DGKB: variants seen among roughly 807,000 people sequenced by gnomAD.
DGKB encodes the protein 90 kDa diacylglycerol kinase.
A neutral mutation model predicts 114.3 loss-of-function variants in DGKB; 67 were observed. The observed-to-expected ratio is 0.59, with a 90% CI of 0.48 to 0.72. The LOEUF (loss-of-function observed/expected upper bound fraction) is 0.72. DGKB is among the 30% of genes least tolerant of loss of function. DGKB has a pLI of 0.00. For missense variants in DGKB, 907 were observed against 975.2 expected, an observed-to-expected ratio of 0.93 and a Z score of 0.93; for synonymous variants, 398 against 323.1, an observed-to-expected ratio of 1.23 and a Z score of -2.49.
chr7:14,572,854 T>G (rs2128706641), intron 20 of DGKB, among the ~76,000 whole-genome samples: 1 of 152,322 alleles, frequency 6.6e-6, no homozygotes, highest in South Asian at 2.1e-4. Flanking sequence ...CATAAGTTTT[T>G]GGGGTACAGT....
intron 19 of DGKB, among the ~76,000 whole-genome samples, chr7:14,580,498 T>G (rs1799764255): frequency 6.6e-6 from 1 of 152,206 alleles, no homozygotes; most frequent in Non-Finnish European, 1.5e-5. Context: ...CATCTTTCCT[T>G]TGTTTGTGAT....
intron 10 of DGKB, among the ~76,000 whole-genome samples, chr7:14,683,875 C>T (rs1821244242): frequency 1.3e-5 from 2 of 152,114 alleles, no homozygotes; most frequent in East Asian, 3.9e-4. Context: ...ATTGCATTCA[C>T]CACACTAATC....
At position 14,409,633 on chromosome 7, in the gene DGKB, G is replaced by A. The variant is rs1824523459; in HGVS notation, c.1836-64242C>T. ...GAGGCAGGAGAATGGCGTGAACCCG[G>A]GAAGCGGAGCTTGCAGTGAGCCGAG... On this transcript the variant is annotated intron_variant, in intron 21 of 25. Coordinates refer to ENST00000402815, the MANE Select transcript of DGKB (RefSeq NM_001350709.2). Among the ~76,000 whole-genome samples the A allele has an allele frequency of 8.8e-5, 4 of 45,274 alleles. 2 individuals are homozygous for A. The highest frequency in any genetic ancestry group is 2.2e-4 in the Non-Finnish European group (4 of 17,828). 29.7% of individuals were successfully genotyped at this position (45,274 alleles called of 152,430 possible).
chr7:14,850,462 G>A (rs2128157761), intron 1 of DGKB, among the ~76,000 whole-genome samples: 1 of 152,284 alleles, frequency 6.6e-6, no homozygotes, highest in East Asian at 1.9e-4. Flanking sequence ...CCTTAGAAAA[G>A]AGGGAGAGAT....
chr7:14,382,485 T>A (rs1447779470), intron 21 of DGKB, among the ~76,000 whole-genome samples: 1 of 151,974 alleles, frequency 6.6e-6, no homozygotes. Flanking sequence ...TACACACATA[T>A]ATCCTAAAGT....
chr7:14,221,627 A>G (rs529613735), intron 23 of DGKB, among the ~76,000 whole-genome samples: 1 of 151,448 alleles, frequency 6.6e-6, no homozygotes, highest in African/African-American at 2.4e-5. Context: ...GGTCTGTTAT[A>G]TTCTTTTCTT....
chr7:14,235,583 A>G (rs1792633499), intron 23 of DGKB, among the ~76,000 whole-genome samples: 1 of 152,076 alleles, frequency 6.6e-6, no homozygotes, highest in Non-Finnish European at 1.5e-5. Context: ...TTTGTAAATA[A>G]AAATGTGCAA....
chr7:14,445,897 T>G (rs73679783), intron 21 of DGKB, among the ~76,000 whole-genome samples: 308 of 152,176 alleles, frequency 2.0e-3, no homozygotes, highest in African/African-American at 6.4e-3. Flanking sequence ...GAAAGTCTAC[T>G]TGTTTATGCT....
rs542115940 is a variant in DGKB at position 14,396,211 on chromosome 7, A to AT, written c.1836-50821dup. On this transcript the variant is annotated intron_variant, in intron 21 of 25. Coordinates refer to ENST00000402815, the MANE Select transcript of DGKB (RefSeq NM_001350709.2). The stretch of plus-strand genomic sequence containing the variant: ...AAGTCTGTTACCTGAAAAATTTCAC[A>AT]TTTTTTTCTAAATTTTACTGAAGAT... 4.6e-3 allele frequency among the ~76,000 whole-genome samples: 692 copies of AT among 152,082 alleles called. 6 individuals are homozygous for AT. The highest frequency in any genetic ancestry group is 0.016 in the African/African-American group (650 of 41,512).
chr7:14,550,619 T>A (rs967596724), intron 20 of DGKB, among the ~76,000 whole-genome samples: 3 of 152,214 alleles, frequency 2.0e-5, no homozygotes, highest in Admixed American at 2.0e-4. Context: ...GGACATTTTC[T>A]TTCTTTCATG....
At chr7:14,771,380 T>C (rs1028702764) in intron 2 of DGKB, among the ~76,000 whole-genome samples, 7 of 152,122 alleles carry the variant, frequency 4.6e-5, no homozygotes, top group African/African-American at 1.7e-4. Flanking sequence ...CATCTCGTTA[T>C]TGGGCGGCAA....
intron 6 of DGKB, among the ~76,000 whole-genome samples, chr7:14,715,287 C>A (rs1007710840): frequency 6.6e-6 from 1 of 152,196 alleles, no homozygotes; most frequent in African/African-American, 2.4e-5. Context: ...TAGCAGTTCT[C>A]GACAGTTACA....
intron 5 of DGKB, among the ~76,000 whole-genome samples, chr7:14,733,808 A>G (rs1414450136): frequency 7.2e-6 from 1 of 138,868 alleles, no homozygotes; most frequent in African/African-American, 2.5e-5. Flanking sequence ...GAGGGAGGGA[A>G]GGAGGGAAGG....
chr7:14,666,030 G>C (rs1030558713), intron 13 of DGKB, among the ~76,000 whole-genome samples: 1 of 151,798 alleles, frequency 6.6e-6, no homozygotes, highest in African/African-American at 2.4e-5. Context: ...TAGTGATAAA[G>C]GTATATATAA....
At chr7:14,551,062 T>A (rs1795032077) in intron 20 of DGKB, among the ~76,000 whole-genome samples, 1 of 102,478 alleles carries the variant, frequency 9.8e-6, no homozygotes. Context: ...GAAATTCTGT[T>A]AACTATTTCC....
upstream of DGKB, chr7:14,903,408 TA>T (rs1783440183): frequency 6.6e-6 from 1 of 152,262 alleles, no homozygotes; most frequent in Non-Finnish European, 1.5e-5. Context: ...CTGGTCCAGT[TA>T]TAAGACAGGG....
intron 17 of DGKB, among the ~76,000 whole-genome samples, chr7:14,585,765 C>A (rs1332894591): frequency 6.6e-6 from 1 of 152,158 alleles, no homozygotes; most frequent in Non-Finnish European, 1.5e-5. Flanking sequence ...GTCTGTGTCA[C>A]ATTTTTGTAA....
intron 1 of DGKB, among the ~76,000 whole-genome samples, chr7:14,932,759 T>C (rs577512392): frequency 6.6e-6 from 1 of 152,172 alleles, no homozygotes; most frequent in Non-Finnish European, 1.5e-5. Flanking sequence ...AACCAAAGTA[T>C]CATAAGGGTC....
chr7:14,191,541 G>T, intron 23 of DGKB: 1 of 190,928 alleles, frequency 5.2e-6, no homozygotes. Context: ...GCCTCTCCAG[G>T]ATTTCTACAG....
Sources: allele counts gnomAD v4.1 joint callset (sites outside exome capture counted in the v4.1 genomes callset), GRCh38; gene constraint gnomAD v4.1.1; transcripts MANE v1.5; gene names NCBI Gene and HGNC (gene_info 2026-07-23, HGNC 2026-07-21).